Variants in CTNNA3 observed in about 807,000 individuals in gnomAD.
The protein encoded by CTNNA3 is catenin alpha 3.
In CTNNA3, 76 loss-of-function variants were observed where a neutral mutation model predicts 95.7. The observed-to-expected ratio is 0.79, with a 90% confidence interval of 0.66 to 0.96. The LOEUF is 0.96. Ranked by LOEUF, CTNNA3 falls within the 40% of genes least tolerant of loss-of-function variation. The pLI is 0.00. For missense variants in CTNNA3, 1,191 were observed against 1,089.8 expected (o/e 1.09, Z -1.31); for synonymous variants, 431 against 374.4 (o/e 1.15, Z -1.74).
At chr10:67,330,238 C>A (rs141477308) in intron 5 of CTNNA3, among the ~76,000 whole-genome samples, 2 of 152,192 alleles carry the variant, frequency 1.3e-5, no homozygotes, top group Non-Finnish European at 2.9e-5. Flanking sequence ...TGTCACATCT[C>A]TCTCCTGCAT....
At chr10:67,633,082 T>A (rs1399674695) in intron 2 of CTNNA3, among the ~76,000 whole-genome samples, 1 of 151,744 alleles carries the variant, frequency 6.6e-6, no homozygotes, top group Non-Finnish European at 1.5e-5. Flanking sequence ...CAAAGAAGGG[T>A]CCCCGACAAT....
In CTNNA3 at chr10:66,267,170, C is replaced by T. The variant is rs115221381; in HGVS notation, c.1884+13300G>A. On this transcript the variant is annotated intron_variant, in intron 13 of 17. Coordinates refer to ENST00000433211, the MANE Select transcript of CTNNA3 (RefSeq NM_013266.4). ...CTAAGCCTAGTAATTCCGTTCCTCT[C>T]GCCATTTAGCAAGGTCATGTTTCTT... 2.3e-3 allele frequency among the ~76,000 whole-genome samples: 347 copies of T among 152,112 alleles called. 2 individuals are homozygous for T. Among genetic ancestry groups the T allele is most frequent in the African/African-American group, 7.9e-3 (329 of 41,522 alleles).
chr10:66,024,306 G>A (rs1460171249), intron 15 of CTNNA3, among the ~76,000 whole-genome samples: 1 of 152,008 alleles, frequency 6.6e-6, no homozygotes, highest in South Asian at 2.1e-4. Context: ...AGTCAGGATG[G>A]TCTCGATCTC....
At chr10:65,922,735 T>G (rs1564517462) in intron 17 of CTNNA3, among the ~76,000 whole-genome samples, 1 of 152,190 alleles carries the variant, frequency 6.6e-6, no homozygotes, top group African/African-American at 2.4e-5. Context: ...CTCCAGAGTT[T>G]CTTCTCAATG....
chr10:67,419,229 T>C (rs895138416), intron 5 of CTNNA3, among the ~76,000 whole-genome samples: 13 of 152,144 alleles, frequency 8.5e-5, no homozygotes, highest in Admixed American at 2.6e-4. Context: ...AATGGAACAA[T>C]GAAGACATTT....
chr10:66,194,969 G>T (rs572268600), intron 13 of CTNNA3, among the ~76,000 whole-genome samples: 3 of 152,282 alleles, frequency 2.0e-5, no homozygotes, highest in African/African-American at 7.2e-5. Context: ...AACTTAATTT[G>T]CTGTATGAAG....
chr10:66,084,910 A>G (rs2080922657), intron 14 of CTNNA3: 1 of 152,154 alleles, frequency 6.6e-6, no homozygotes, highest in South Asian at 2.1e-4. Flanking sequence ...GGATAGGAGA[A>G]CACTAGGACA....
chr10:67,445,149 A>C, intron 5 of CTNNA3, among the ~76,000 whole-genome samples: 1 of 152,026 alleles, frequency 6.6e-6, no homozygotes, highest in East Asian at 1.9e-4. Flanking sequence ...TAACAGAAAA[A>C]AGAAAACTTG....
chr10:67,605,541 G>A (rs1413052514), intron 3 of CTNNA3, among the ~76,000 whole-genome samples: 4 of 152,050 alleles, frequency 2.6e-5, no homozygotes, highest in African/African-American at 9.7e-5. Flanking sequence ...AAAAAAATGG[G>A]TAACTGTGAG....
intron 10 of CTNNA3, among the ~76,000 whole-genome samples, chr10:66,574,338 A>T (rs1842946433): frequency 6.6e-6 from 1 of 152,130 alleles, no homozygotes; most frequent in African/African-American, 2.4e-5. Context: ...TCACCGAAAA[A>T]TCCAGAAAGA....
At chr10:66,900,628 G>GAA (rs1274162118) in intron 7 of CTNNA3, among the ~76,000 whole-genome samples, 2 of 152,006 alleles carry the variant, frequency 1.3e-5, no homozygotes, top group African/African-American at 4.8e-5. Flanking sequence ...AAAAAACCTT[G>GAA]AAAAAAGGTT....
chr10:66,101,866 A>G (rs35806351), intron 14 of CTNNA3, among the ~76,000 whole-genome samples: 16,559 of 152,224 alleles, frequency 0.11, 1,101 homozygotes, highest in Non-Finnish European at 0.15. Flanking sequence ...TAGAAATCCA[A>G]AGGATTCTAG....
chr10:66,217,013 CACTT>C (rs2088585871), intron 13 of CTNNA3, among the ~76,000 whole-genome samples: 1 of 152,146 alleles, frequency 6.6e-6, no homozygotes, highest in African/African-American at 2.4e-5. Context: ...CCCTGATAAC[CACTT>C]ACTTGTTCTC....
At chr10:67,726,402 T>TAATATTATATACGAAATTATA (rs1564841090) in intron 1 of CTNNA3, among the ~76,000 whole-genome samples, 39 of 43,892 alleles carry the variant, frequency 8.9e-4, no homozygotes, top group African/African-American at 5.5e-3. Context: ...ATATTATATA[T>TAATATTATATACGAAATTATA]TATATCATAT....
At chr10:66,447,735 C>G (rs929651650) in intron 11 of CTNNA3, among the ~76,000 whole-genome samples, 2 of 151,926 alleles carry the variant, frequency 1.3e-5, no homozygotes, top group Non-Finnish European at 2.9e-5. Context: ...AGAAGAAAAC[C>G]TAGGCAATAC....
intron 7 of CTNNA3, among the ~76,000 whole-genome samples, chr10:67,162,619 T>C (rs538518627): frequency 6.6e-6 from 1 of 151,314 alleles, no homozygotes; most frequent in Non-Finnish European, 1.5e-5. Context: ...AAAGAAAGCA[T>C]GAAATACACC....
intron 1 of CTNNA3, among the ~76,000 whole-genome samples, chr10:67,755,421 A>G (rs1841427551): frequency 6.6e-6 from 1 of 151,954 alleles, no homozygotes; most frequent in African/African-American, 2.4e-5. Flanking sequence ...TACAGCCACT[A>G]TGGAAAACAG....
At chr10:66,368,335 G>C (rs2092728514) in intron 12 of CTNNA3, among the ~76,000 whole-genome samples, 2 of 151,926 alleles carry the variant, frequency 1.3e-5, no homozygotes, top group South Asian at 4.1e-4. Flanking sequence ...GCCCTCCTGT[G>C]CACAGTTTAG....
chr10:66,067,744 C>T (rs566685623), intron 15 of CTNNA3, among the ~76,000 whole-genome samples: 95 of 152,050 alleles, frequency 6.2e-4, no homozygotes, highest in South Asian at 4.2e-3. Context: ...GGTGAAACTC[C>T]GTCTCTACTA....
Sources: allele counts gnomAD v4.1 joint callset (sites outside exome capture counted in the v4.1 genomes callset), GRCh38; gene constraint gnomAD v4.1.1; transcripts MANE v1.5; gene names NCBI Gene and HGNC (gene_info 2026-07-23, HGNC 2026-07-21).